The following TET3 variants were observed in gnomAD, a reference collection of about 807,000 sequenced individuals.
TET3 encodes methylcytosine dioxygenase TET3.
TET3 carries 19 observed loss-of-function variants against 141.4 expected under a neutral mutation model. The ratio of observed to expected loss-of-function variants is 0.13; its 90% confidence interval spans 0.09 to 0.20. The LOEUF is 0.20. Ranked by LOEUF, TET3 falls within the 10% of genes least tolerant of loss-of-function variation. The pLI is 1.00. For missense variants in TET3, 1,874 were observed against 2,356.9 expected (o/e 0.80, Z 4.24); for synonymous variants, 1,043 against 980.9 (o/e 1.06, Z -1.18).
downstream of TET3, among the ~76,000 whole-genome samples, chr2:74,113,025 A>AAC (rs1691742413): frequency 2.2e-5 from 3 of 137,378 alleles, no homozygotes; most frequent in South Asian, 2.3e-4. Flanking sequence ...AAAAAAAAAA[A>AAC]AAAAAAAAAA....
At chr2:73,997,497 G>A (rs746185087) in intron 2 of TET3, among the ~76,000 whole-genome samples, 25 of 152,268 alleles carry the variant, frequency 1.6e-4, no homozygotes, top group Non-Finnish European at 3.4e-4. Context: ...GGGGTGAGGT[G>A]CAGTGAGGGG....
intron 8 of TET3, 117 bp downstream of exon 8, chr2:74,090,164 G>A: frequency 1.4e-6 from 2 of 1,469,780 alleles, no homozygotes. Flanking sequence ...AGTGGAACTT[G>A]TTTTCGTTTT....
At chr2:74,127,240 A>T in the TET3 span, among the ~76,000 whole-genome samples, 1 of 152,256 alleles carries the variant, frequency 6.6e-6, no homozygotes, top group Non-Finnish European at 1.5e-5. Flanking sequence ...GCAATGAGTT[A>T]GCTTACATTT....
chr2:74,134,737 C>T, the TET3 span: 13 of 456,592 alleles, frequency 2.8e-5, no homozygotes, highest in East Asian at 2.1e-4. Flanking sequence ...AGGAAGCCTC[C>T]GTGGCTGGAG....
At chr2:74,041,798 C>T (rs1687352181) in intron 3 of TET3, among the ~76,000 whole-genome samples, 1 of 152,134 alleles carries the variant, frequency 6.6e-6, no homozygotes, top group African/African-American at 2.4e-5. Flanking sequence ...CTTCTGATTC[C>T]TAAGACATTT....
downstream of TET3, among the ~76,000 whole-genome samples, chr2:74,109,380 C>G (rs1192311463): frequency 6.6e-6 from 1 of 152,160 alleles, no homozygotes; most frequent in Non-Finnish European, 1.5e-5. Context: ...TGTATTTTTT[C>G]AAATGGAATA....
chr2:74,004,271 G>A (rs1247527214), intron 3 of TET3, among the ~76,000 whole-genome samples: 1 of 152,146 alleles, frequency 6.6e-6, no homozygotes, highest in Non-Finnish European at 1.5e-5. Flanking sequence ...GTAGCAGGTG[G>A]GTGAGCTGCA....
rs921972917 is a variant in TET3, at chr2:73,986,715, G to C, written c.303+9G>C. The C allele has an allele frequency of 5.7e-6, 7 of 1,231,804 alleles. No homozygotes were observed. In the Admixed American group the frequency reaches 3.0e-4, roughly 52 times the overall value. The allele number at this position is 1,231,804 out of a possible 1,614,324, so 76.3% of individuals were successfully genotyped here. Reference sequence around the variant, plus strand: ...TAGGGCTTCTCAAGGAGGTAAGCCGGCCCTTGCTGGGCTACCCTGTTCCTT... The same window carrying C: ...TAGGGCTTCTCAAGGAGGTAAGCCGCCCCTTGCTGGGCTACCCTGTTCCTT... On this transcript the variant is annotated intron_variant, in intron 2 of 11. Coordinates refer to ENST00000409262, the MANE Select transcript of TET3 (RefSeq NM_001287491.2).
At position 74,093,555 on chromosome 2, in the gene TET3, C is replaced by G. The variant is rs1690635175; in HGVS notation, c.3156C>G (p.Asp1052Glu). 1.9e-6 allele frequency: 3 copies of G among 1,612,598 alleles called. No individual in the cohort carries two copies. Among genetic ancestry groups the G allele is most frequent in the Non-Finnish European group, 2.5e-6 (3 of 1,179,180 alleles). Reference protein sequence around the residue: ...NQVTNEEIAIDCRLGLKEGRP... With the variant: ...NQVTNEEIAIECRLGLKEGRP... ...TGACCAACGAGGAAATAGCGATTGA[C>G]TGCCGTCTGGGGCTGAAGGAAGGAC... The change falls in exon 10 of 12, where the codon GAC becomes GAG. Residue 1052 changes from aspartate (D) to glutamate (E), a missense_variant. By Grantham distance (45) the Asp-to-Glu change is conservative. This residue lies in a region of TET3 where 126 missense variants were observed against 327.4 expected (regional missense o/e 0.38). Coordinates refer to ENST00000409262, the MANE Select transcript of TET3 (RefSeq NM_001287491.2). This position sits in a 1 kb window ranked among gnomAD's most constrained non-coding sequence, Gnocchi z 4.2.
At chr2:74,065,159 T>G (rs1424240770) in intron 4 of TET3, among the ~76,000 whole-genome samples, 1 of 152,242 alleles carries the variant, frequency 6.6e-6, no homozygotes, top group Non-Finnish European at 1.5e-5. Flanking sequence ...ATGGTTTAAG[T>G]GACAAGGTTT....
chr2:74,112,812 C>A (rs1411652973), downstream of TET3, among the ~76,000 whole-genome samples: 1 of 151,580 alleles, frequency 6.6e-6, no homozygotes, highest in African/African-American at 2.4e-5. Context: ...ACCAGCCTGG[C>A]CAACACGGTG....
At chr2:74,060,059 TTG>T (rs1471114905) in intron 4 of TET3, among the ~76,000 whole-genome samples, 1 of 152,194 alleles carries the variant, frequency 6.6e-6, no homozygotes, top group African/African-American at 2.4e-5. Flanking sequence ...AGGACTGAAA[TTG>T]TGTGTGTTGA....
intron 6 of TET3, among the ~76,000 whole-genome samples, chr2:74,085,160 A>G (rs1278362952): frequency 6.6e-6 from 1 of 152,198 alleles, no homozygotes; most frequent in African/African-American, 2.4e-5. Context: ...CAAAAAAAAA[A>G]AAAAGAAAAT....
chr2:74,062,807 A>G (rs929351328), intron 4 of TET3, among the ~76,000 whole-genome samples: 1 of 152,038 alleles, frequency 6.6e-6, no homozygotes, highest in African/African-American at 2.4e-5. Flanking sequence ...AAGGTTAGTA[A>G]ACCTTGTTTC....
At chr2:74,026,486 G>A (rs1045461030) in intron 3 of TET3, among the ~76,000 whole-genome samples, 2 of 152,092 alleles carry the variant, frequency 1.3e-5, no homozygotes, top group South Asian at 2.1e-4. Context: ...GCCTGTTCTC[G>A]GACCTAAGGA....
At chr2:74,060,651 C>T (rs965718070) in intron 4 of TET3, among the ~76,000 whole-genome samples, 1 of 151,938 alleles carries the variant, frequency 6.6e-6, no homozygotes, top group Non-Finnish European at 1.5e-5. Context: ...CTCTGGTTTT[C>T]CTAGGCAGAG....
At chr2:74,010,110 T>C (rs1265656776) in intron 3 of TET3, among the ~76,000 whole-genome samples, 1 of 152,218 alleles carries the variant, frequency 6.6e-6, no homozygotes, top group African/African-American at 2.4e-5. Context: ...ATTTGGACCC[T>C]GGGTAGTAGT....
chr2:73,988,999 G>GTT (rs57748474), intron 2 of TET3, among the ~76,000 whole-genome samples: 142 of 107,712 alleles, frequency 1.3e-3, no homozygotes, highest in Non-Finnish European at 2.0e-3. Flanking sequence ...AGTTTTTTTT[G>GTT]TTTTTTTTTT....
chr2:74,095,633 A>G lies in TET3; in HGVS notation c.3267+1967A>G, dbSNP rs547073086. Among the ~76,000 whole-genome samples, 62 of 152,374 alleles carry G rather than the reference A, an allele frequency of 4.1e-4. No homozygotes were observed. In the South Asian group the frequency reaches 6.0e-3, roughly 15 times the overall value. ...TGAAATTTTACCCAGATGGGGTCACATTATATATACATGCTGTTCTATGAC... is the reference window on the plus strand; with the variant it reads ...TGAAATTTTACCCAGATGGGGTCACGTTATATATACATGCTGTTCTATGAC... On this transcript the variant is annotated intron_variant, in intron 10 of 11. Transcript: ENST00000409262.
Sources: allele counts gnomAD v4.1 joint callset (sites outside exome capture counted in the v4.1 genomes callset), GRCh38; gene constraint gnomAD v4.1.1; regional missense constraint gnomAD v4.1.1; non-coding constraint Gnocchi (gnomAD v3.1); transcripts MANE v1.5; gene names NCBI Gene and HGNC (gene_info 2026-07-23, HGNC 2026-07-21).